The following SDK2 variants were observed in gnomAD, a reference collection of about 807,000 sequenced individuals.
The protein encoded by SDK2 is sidekick cell adhesion molecule 2.
SDK2 carries 105 observed loss-of-function variants against 253.9 expected under a neutral mutation model. The ratio of observed to expected loss-of-function variants is 0.41; its 90% CI spans 0.35 to 0.49. SDK2 has a LOEUF of 0.49. Among genes scored for constraint, SDK2 ranks in the 20% least tolerant of loss-of-function variants. SDK2 has a pLI of 0.06. For missense variants in SDK2, 2,608 were observed against 3,003.0 expected (o/e 0.87, Z 3.07); for synonymous variants, 1,249 against 1,234.9 (o/e 1.01, Z -0.24).
Position 73,389,411 on chromosome 17 carries a change from C to T in SDK2, c.4192+876G>A, listed in dbSNP as rs899755140. Among the ~76,000 whole-genome samples, 21 of 152,088 alleles carry T rather than the reference C, an allele frequency of 1.4e-4. No homozygotes were observed. In the South Asian group the frequency reaches 1.5e-3, roughly 11 times the overall value. On this transcript the variant is annotated intron_variant, in intron 29 of 44. Coordinates refer to ENST00000392650, the MANE Select transcript of SDK2 (RefSeq NM_001144952.2). ...GTTGGCCAGGACGGCCTTGAACTCCCGACCTCAGGTGATCCACCTGCCTCG... is the reference window on the plus strand; with the variant it reads ...GTTGGCCAGGACGGCCTTGAACTCCTGACCTCAGGTGATCCACCTGCCTCG...
chr17:73,572,884 G>GGCT (rs2045408137), intron 1 of SDK2, among the ~76,000 whole-genome samples: 1 of 152,076 alleles, frequency 6.6e-6, no homozygotes, highest in Non-Finnish European at 1.5e-5. Flanking sequence ...ACTTCCTCCC[G>GGCT]GGGAGCCTCC....
chr17:73,574,295 GT>G (rs2045427512), intron 1 of SDK2, among the ~76,000 whole-genome samples: 1 of 152,302 alleles, frequency 6.6e-6, no homozygotes, highest in East Asian at 1.9e-4. Context: ...GGTGACACAA[GT>G]ATTTGTTACA....
At chr17:73,384,922 C>G (rs535657996) in intron 32 of SDK2, among the ~76,000 whole-genome samples, 33 of 152,332 alleles carry the variant, frequency 2.2e-4, no homozygotes, top group Admixed American at 7.2e-4. Flanking sequence ...ACCTCCCTGC[C>G]CCCTCCCTCT....
chr17:73,384,078 C>T, intron 32 of SDK2, 67 bp from the exon 33 acceptor site: 1 of 1,530,846 alleles, frequency 6.5e-7, no homozygotes, highest in Non-Finnish European at 8.9e-7. Context: ...CACGCTCTCT[C>T]ATCATGCCTC....
chr17:73,546,778 T>G (rs1483188113), intron 1 of SDK2, among the ~76,000 whole-genome samples: 1 of 152,240 alleles, frequency 6.6e-6, no homozygotes, highest in Non-Finnish European at 1.5e-5. Flanking sequence ...ATCTATGATC[T>G]GTTGGGGAAG....
chr17:73,355,174 A>ATATATATATATATATATTTTT, intron 40 of SDK2, among the ~76,000 whole-genome samples: 1 of 47,236 alleles, frequency 2.1e-5, no homozygotes, highest in Non-Finnish European at 3.4e-5. Context: ...ATATATATAT[A>ATATATATATATATATATTTTT]TTTTTTTTTT....
intron 3 of SDK2, among the ~76,000 whole-genome samples, chr17:73,459,833 CA>C (rs2063552164): frequency 6.6e-6 from 1 of 152,074 alleles, no homozygotes; most frequent in Non-Finnish European, 1.5e-5. Flanking sequence ...CCAGCTAGGA[CA>C]AAACTTTTGA....
intron 37 of SDK2, among the ~76,000 whole-genome samples, chr17:73,366,046 C>T (rs1478660071): frequency 2.0e-5 from 3 of 152,144 alleles, no homozygotes; most frequent in South Asian, 2.1e-4. Context: ...GGGCAGGAAG[C>T]GTCCCAATCT....
At chr17:73,535,118 G>A (rs1483917616) in intron 1 of SDK2, among the ~76,000 whole-genome samples, 1 of 152,206 alleles carries the variant, frequency 6.6e-6, no homozygotes, top group Non-Finnish European at 1.5e-5. Flanking sequence ...CCCTGACCAG[G>A]AAACCAAAGG....
intron 24 of SDK2, among the ~76,000 whole-genome samples, chr17:73,397,424 GA>G (rs1292530442): frequency 1.3e-5 from 2 of 152,170 alleles, no homozygotes; most frequent in African/African-American, 2.4e-5. Context: ...AAGCACGTGG[GA>G]GGATACGGGA....
chr17:73,386,598 C>G, intron 30 of SDK2, 50 bp from the exon 31 acceptor site: 1 of 1,285,230 alleles, frequency 7.8e-7, no homozygotes. Context: ...TTAAAGGCCT[C>G]GCCCCATGCT....
rs2062872910 is a variant in SDK2 at position 73,386,458 on chromosome 17, G to A, written c.4485C>T (p.Thr1495=). 4 of 1,556,328 alleles carry A rather than the reference G, an allele frequency of 2.6e-6. No individual in the cohort carries two copies. Among genetic ancestry groups the A allele is most frequent in the Middle Eastern group, 1.7e-4 (1 of 5,988 alleles). The change falls in exon 31 of 45, where the codon ACC becomes ACT. Residue 1495 remains threonine (T), a synonymous_variant. Coordinates refer to ENST00000392650, the MANE Select transcript of SDK2 (RefSeq NM_001144952.2). ...AGGGGTACTGACCAGCCTGCAGGGT[G>A]GTCAGTGACTCCGACTCCTCGCTGA... The part of the protein sequence containing the change: ...SEFSEESESL[T]TLQAAPDEAP...
intron 2 of SDK2, among the ~76,000 whole-genome samples, chr17:73,474,880 G>T (rs1042733240): frequency 6.6e-6 from 1 of 152,160 alleles, no homozygotes; most frequent in Non-Finnish European, 1.5e-5. Context: ...AATAGAAATG[G>T]CTGATAAACT....
At position 73,455,907 on chromosome 17, in the gene SDK2, T is replaced by G; in HGVS notation, c.478A>C (p.Ile160Leu). 6.7e-7 allele frequency: 1 copy of G among 1,485,318 alleles called. No homozygotes were observed. The highest frequency in any genetic ancestry group is 9.0e-7 in the Non-Finnish European group (1 of 1,112,084). The allele number at this position is 1,485,318 out of a possible 1,614,324, so 92.0% of individuals were successfully genotyped here. ...GTCCCCTCAGAGCGATGCACTCACATGCGGCTGCTGGGCGGGATCTTGCGG... is the reference window on the plus strand; with the variant it reads ...GTCCCCTCAGAGCGATGCACTCACAGGCGGCTGCTGGGCGGGATCTTGCGG... The part of the protein sequence containing the change: ...DGRKIPPSSR[I>L]AITLENTLVI... The change falls in exon 4 of 45, where the codon ATA (isoleucine) becomes CTA (leucine). Residue 160 changes from isoleucine to leucine, a missense_variant and splice_region_variant. Ile to Leu is a conservative substitution (Grantham distance 5). This residue lies in a region of SDK2 where 1,505 missense variants were observed against 1,859.1 expected (regional missense o/e 0.81). Coordinates refer to ENST00000392650, the MANE Select transcript of SDK2 (RefSeq NM_001144952.2). This position sits in a 1 kb window ranked among gnomAD's most constrained non-coding sequence, Gnocchi z 5.0.
chr17:73,464,569 T>TC (rs1245113632), intron 3 of SDK2, among the ~76,000 whole-genome samples: 3 of 152,198 alleles, frequency 2.0e-5, no homozygotes, highest in Non-Finnish European at 2.9e-5. Flanking sequence ...CCAAGTTCTC[T>TC]CCTTCCAGCC....
intron 2 of SDK2, among the ~76,000 whole-genome samples, chr17:73,497,312 C>T (rs1184623707): frequency 6.6e-6 from 1 of 152,204 alleles, no homozygotes; most frequent in Non-Finnish European, 1.5e-5. Context: ...CCTCTCCCAT[C>T]CAGCCTCTAG....
chr17:73,569,487 C>G (rs770388491), intron 1 of SDK2, among the ~76,000 whole-genome samples: 1 of 151,672 alleles, frequency 6.6e-6, no homozygotes, highest in Admixed American at 6.6e-5. Context: ...CGTGAGGCAC[C>G]GTGCTGGGCC....
Position 73,361,768 on chromosome 17 carries a change from C to T in SDK2, c.5383G>A (p.Val1795Met). ...WLKVKDLAEG[V>M]TYRFRIRAKT... is the part of the protein sequence containing the mutation. ...GCTCTGATGCGGAACCTGTAGGTCA[C>T]CCCCTCCGCCAGGTCCTTCACCTTC... Residue 1795 changes from valine to methionine, a missense_variant, in exon 39 of 45, where the codon GTG becomes ATG. By Grantham distance (21) the Val-to-Met change is conservative (BLOSUM62 1). Transcript: ENST00000392650. The surrounding 1 kb of genome is among the most constrained non-coding windows in gnomAD (Gnocchi z 4.1). 6.2e-7 allele frequency: 1 copy of T among 1,613,112 alleles called. No homozygotes were observed. The highest frequency in any genetic ancestry group is 8.5e-7 in the Non-Finnish European group (1 of 1,179,394).
chr17:73,395,424 T>G lies in SDK2; in HGVS notation c.3355-32A>C, dbSNP rs997136073. On this transcript the variant is annotated intron_variant, in intron 24 of 44. Transcript: ENST00000392650. The surrounding 1 kb of genome is among the most constrained non-coding windows in gnomAD (Gnocchi z 4.3). ...CGGGGCAGGGGTGGCAAAGCTGCTA[T>G]GAGCCAGGCCCCCCACTGTGCAGGG... is the stretch of plus-strand genomic sequence containing the variant. 2.5e-6 allele frequency: 4 copies of G among 1,575,778 alleles called. No individual in the cohort carries two copies. Among genetic ancestry groups the G allele is most frequent in the Admixed American group, 1.7e-5 (1 of 59,842 alleles).
Sources: allele counts gnomAD v4.1 joint callset (sites outside exome capture counted in the v4.1 genomes callset), GRCh38; gene constraint gnomAD v4.1.1; regional missense constraint gnomAD v4.1.1; non-coding constraint Gnocchi (gnomAD v3.1); transcripts MANE v1.5; gene names NCBI Gene and HGNC (gene_info 2026-07-23, HGNC 2026-07-21).